CCSER2: variants seen among roughly 807,000 people sequenced by gnomAD.
The protein encoded by CCSER2 is serine-rich coiled-coil domain-containing protein 2.
CCSER2 carries 46 observed loss-of-function variants against 92.3 expected under a neutral mutation model. The observed-to-expected ratio is 0.50, with a 90% confidence interval of 0.39 to 0.64. The LOEUF (loss-of-function observed/expected upper bound fraction) is 0.64, where lower values mean the gene tolerates loss of function less well. Ranked by LOEUF, CCSER2 falls within the 30% of genes least tolerant of loss-of-function variation. CCSER2 has a pLI of 0.00. For synonymous variants in CCSER2, 433 were observed against 431.4 expected, an observed-to-expected ratio of 1.00 and a Z score of -0.04; for missense variants, 1,244 against 1,238.9, an observed-to-expected ratio of 1.00 and a Z score of -0.06.
At chr10:84,386,597 C>T (rs150190037) in intron 3 of CCSER2, among the ~76,000 whole-genome samples, 6 of 152,186 alleles carry the variant, frequency 3.9e-5, no homozygotes, top group Non-Finnish European at 2.9e-5. Context: ...CAAATGCCTG[C>T]GATCCCAGCT....
intron 4 of CCSER2, among the ~76,000 whole-genome samples, chr10:84,423,444 A>G (rs1007531992): frequency 8.5e-5 from 13 of 152,344 alleles, no homozygotes; most frequent in East Asian, 7.7e-4. Flanking sequence ...TTTGGAGTCT[A>G]TATGTGGAGC....
intron 6 of CCSER2, among the ~76,000 whole-genome samples, chr10:84,459,529 G>T (rs1032272622): frequency 8.6e-5 from 13 of 151,714 alleles, no homozygotes; most frequent in Non-Finnish European, 1.6e-4. Context: ...GTTTGGTTTT[G>T]GGGGGGAATC....
chr10:84,372,251 C>T lies in CCSER2; in HGVS notation c.1199C>T (p.Ser400Leu), dbSNP rs1159171678. The T allele has an allele frequency of 9.9e-6, 16 of 1,612,624 alleles. No individual in the cohort carries two copies. Among genetic ancestry groups the T allele is most frequent in the Non-Finnish European group, 1.3e-5 (15 of 1,179,024 alleles). The change falls in exon 2 of 10, where the codon TCG becomes TTG. Residue 400 changes from serine to leucine, a missense_variant. Coordinates refer to ENST00000372088, the MANE Select transcript of CCSER2 (RefSeq NM_001284240.2). ...LSDDVDDISLSSLSSSDKNDL... is the reference protein window; with the variant it reads ...LSDDVDDISLLSLSSSDKNDL... ...GATGATGTGGATGACATTTCCTTGT[C>T]GTCTTTGTCATCTTCTGATAAGAAT...
At chr10:84,338,190 A>G (rs1022483999) in intron 1 of CCSER2, among the ~76,000 whole-genome samples, 27 of 151,822 alleles carry the variant, frequency 1.8e-4, no homozygotes, top group African/African-American at 6.5e-4. Context: ...GAGTTGAGGC[A>G]GGAGAATTGC....
chr10:84,371,829 A>G lies in CCSER2; in HGVS notation c.777A>G (p.Leu259=). Residue 259 remains leucine, a synonymous_variant, in exon 2 of 10, where the codon CTA becomes CTG. Coordinates refer to ENST00000372088, the MANE Select transcript of CCSER2 (RefSeq NM_001284240.2). ...DLTKPYQNQQ[L]SIRVPLRSSM... is the part of the protein sequence containing the mutation. ...CAAAGCCTTATCAGAACCAACAGCT[A>G]TCCATTAGAGTGCCTCTACGGTCAA... is the stretch of plus-strand genomic sequence containing the variant. The G allele has an allele frequency of 1.2e-6, 2 of 1,613,986 alleles. No homozygotes were observed. Among genetic ancestry groups the G allele is most frequent in the South Asian group, 1.1e-5 (1 of 91,078 alleles).
chr10:84,374,700 A>C (rs1020060304), intron 3 of CCSER2, among the ~76,000 whole-genome samples: 2 of 152,240 alleles, frequency 1.3e-5, no homozygotes, highest in African/African-American at 2.4e-5. Flanking sequence ...TTTAAGAAAC[A>C]TGGCAAGTAA....
intron 9 of CCSER2, among the ~76,000 whole-genome samples, chr10:84,503,088 G>A (rs961520829): frequency 1.3e-5 from 2 of 152,062 alleles, no homozygotes; most frequent in Non-Finnish European, 2.9e-5. Flanking sequence ...GCGGGGCGTG[G>A]TGGCGGGTGC....
At chr10:84,438,791 C>G (rs933768887) in intron 6 of CCSER2, 84 bp downstream of exon 6, 2 of 792,510 alleles carry the variant, frequency 2.5e-6, no homozygotes, top group East Asian at 5.2e-5. Flanking sequence ...AAAATACTTA[C>G]TGGGTTTCTC....
chr10:84,354,101 A>G (rs1845021363), intron 1 of CCSER2, among the ~76,000 whole-genome samples: 1 of 152,128 alleles, frequency 6.6e-6, no homozygotes, highest in South Asian at 2.1e-4. Context: ...GGGGAGGCTG[A>G]GGCGGGAGGG....
intron 9 of CCSER2, among the ~76,000 whole-genome samples, chr10:84,512,393 TGTGAGA>T (rs1393986658): frequency 2.5e-5 from 3 of 122,276 alleles, no homozygotes; most frequent in Non-Finnish European, 5.3e-5. Context: ...TGTGTGTGTG[TGTGAGA>T]GAGAGAGAGA....
chr10:84,352,165 G>A (rs1220024262), intron 1 of CCSER2, among the ~76,000 whole-genome samples: 1 of 152,132 alleles, frequency 6.6e-6, no homozygotes, highest in Admixed American at 6.5e-5. Flanking sequence ...TTAGCTGGGT[G>A]TGGTGGCACA....
chr10:84,513,398 T>C lies in CCSER2; in HGVS notation c.2326-51T>C, dbSNP rs1448484500. On this transcript the variant is annotated intron_variant, in intron 9 of 9. Transcript: ENST00000372088. ...GCCTAATTGGTATTTATATTAAATC[T>C]GGGTGGAATTTCTAAGAACTTGCTG... The C allele has an allele frequency of 5.9e-6, 8 of 1,345,738 alleles. No individual in the cohort carries two copies. The East Asian group carries it at 1.4e-4, about 23-fold the overall frequency. The allele number at this position is 1,345,738 out of a possible 1,614,324, so 83.4% of individuals were successfully genotyped here. A position where few individuals can be genotyped will look rare whatever the true frequency, so the allele number is the denominator to read the frequency against.
intron 9 of CCSER2, chr10:84,507,389 GT>G (rs371635757): frequency 2.3e-5 from 20 of 853,120 alleles, no homozygotes; most frequent in South Asian, 5.4e-5. Flanking sequence ...ACTTTTTTTG[GT>G]TTTTTTTTCC....
At chr10:84,445,250 C>T (rs1242530059) in intron 6 of CCSER2, among the ~76,000 whole-genome samples, 2 of 152,050 alleles carry the variant, frequency 1.3e-5, no homozygotes, top group African/African-American at 4.8e-5. Flanking sequence ...GCCTCCTGGG[C>T]TCACACCATT....
At chr10:84,405,712 C>T (rs1842343262) in intron 3 of CCSER2, among the ~76,000 whole-genome samples, 1 of 152,124 alleles carries the variant, frequency 6.6e-6, no homozygotes. Context: ...AAAGTGTGTT[C>T]AACATCATTA....
Position 84,371,489 on chromosome 10 carries a change from C to T in CCSER2, c.437C>T (p.Pro146Leu). The change falls in exon 2 of 10, where the codon CCA (proline) becomes CTA (leucine). Residue 146 changes from proline (P) to leucine (L), a missense_variant. Transcript: ENST00000372088. Reference sequence around the variant, plus strand: ...TTAAACCAAAAGTCTTTTTCTGGACCATCTAATTTGGGTAAATTCACCAAA... The same window carrying T: ...TTAAACCAAAAGTCTTTTTCTGGACTATCTAATTTGGGTAAATTCACCAAA... Reference protein sequence around the residue: ...EELNQKSFSGPSNLGKFTKGT... With the variant: ...EELNQKSFSGLSNLGKFTKGT... 2 of 1,613,788 alleles carry T rather than the reference C, an allele frequency of 1.2e-6. No individual in the cohort carries two copies. The highest frequency in any genetic ancestry group is 1.6e-4 in the Middle Eastern group (1 of 6,062).
intron 7 of CCSER2, among the ~76,000 whole-genome samples, chr10:84,466,210 C>G (rs1846418669): frequency 6.6e-6 from 1 of 152,190 alleles, no homozygotes; most frequent in South Asian, 2.1e-4. Context: ...CCAACTGTGT[C>G]ACCTTTCATC....
chr10:84,425,679 CT>C, intron 4 of CCSER2, 51 bp from the exon 5 acceptor site: 1 of 1,312,666 alleles, frequency 7.6e-7, no homozygotes. Context: ...TAAGAGTCAA[CT>C]TTTATGGAGT....
chr10:84,378,927 T>G (rs1023649562), intron 3 of CCSER2, among the ~76,000 whole-genome samples: 11 of 152,200 alleles, frequency 7.2e-5, no homozygotes, highest in African/African-American at 2.7e-4. Context: ...TGTTCTACTC[T>G]GTAATTTTCT....
Sources: gnomAD v4.1 joint callset for allele counts (sites outside exome capture counted in the v4.1 genomes callset) on GRCh38, gnomAD v4.1.1 for gene constraint, MANE v1.5 for transcripts, NCBI Gene and HGNC (gene_info 2026-07-23, HGNC 2026-07-21) for gene names.